Variants in VSTM2B observed in about 807,000 individuals in gnomAD.
VSTM2B encodes V-set and transmembrane domain-containing protein 2B.
In VSTM2B, 24 loss-of-function variants were observed where a neutral mutation model predicts 24.0. That is an observed-to-expected ratio of 1.00 (90% CI 0.72 to 1.40). The LOEUF (loss-of-function observed/expected upper bound fraction) is 1.40, where lower values mean the gene tolerates loss of function less well. VSTM2B is among the 40% of genes most tolerant of loss of function. VSTM2B has a pLI of 0.00. For missense variants in VSTM2B, 399 were observed against 416.4 expected, an observed-to-expected ratio of 0.96 and a Z score of 0.36; for synonymous variants, 226 against 194.4, an observed-to-expected ratio of 1.16 and a Z score of -1.35.
At chr19:29,530,899 G>A (rs577368185) in intron 4 of VSTM2B, among the ~76,000 whole-genome samples, 23 of 152,058 alleles carry the variant, frequency 1.5e-4, no homozygotes, top group Admixed American at 6.5e-4. Context: ...GCTTTGGGGT[G>A]GGGGCAGTAA....
upstream of VSTM2B, chr19:29,525,543 G>A (rs117919064): frequency 0.048 from 7,337 of 152,442 alleles, 194 homozygotes; most frequent in Middle Eastern, 0.12. Context: ...CCGCCACCCA[G>A]CGTAGTCTCC....
At chr19:29,562,928 T>C (rs1371735242) in intron 4 of VSTM2B, among the ~76,000 whole-genome samples, 3 of 152,158 alleles carry the variant, frequency 2.0e-5, no homozygotes, top group Admixed American at 6.5e-5. Flanking sequence ...CAGAAGTTGC[T>C]GGGGTCATTT....
intron 4 of VSTM2B, among the ~76,000 whole-genome samples, chr19:29,552,007 A>G (rs1970295255): frequency 6.6e-6 from 1 of 152,210 alleles, no homozygotes; most frequent in African/African-American, 2.4e-5. Flanking sequence ...CATTCTGGAA[A>G]GCAATGGACA....
chr19:29,533,472 G>A (rs1388400310), intron 4 of VSTM2B, among the ~76,000 whole-genome samples: 1 of 152,102 alleles, frequency 6.6e-6, no homozygotes, highest in Non-Finnish European at 1.5e-5. Context: ...GTCTCCTTTG[G>A]GGTGCCCAGA....
In VSTM2B at chr19:29,563,987, C is replaced by A; in HGVS notation, c.*53C>A. 4 of 1,452,462 alleles carry A rather than the reference C, an allele frequency of 2.8e-6. No individual in the cohort carries two copies. The highest frequency in any genetic ancestry group is 3.8e-6 in the Non-Finnish European group (4 of 1,056,808). 90.0% of individuals were successfully genotyped at this position (1,452,462 alleles called of 1,614,324 possible). A position where few individuals can be genotyped will look rare whatever the true frequency, so the allele number is the denominator to read the frequency against. On this transcript the variant is annotated 3_prime_UTR_variant, in exon 5 of 5. Coordinates refer to ENST00000335523, the MANE Select transcript of VSTM2B (RefSeq NM_001146339.2). ...AGGCCGCACATGACCTGCCCGGGGC[C>A]CTCGGTGAGGACCATGTCGCTGGAT...
chr19:29,531,396 G>T (rs889426994), intron 4 of VSTM2B, among the ~76,000 whole-genome samples: 4 of 152,216 alleles, frequency 2.6e-5, no homozygotes, highest in African/African-American at 9.7e-5. Flanking sequence ...CCCCTACAGT[G>T]GTAGTTCTCA....
intron 4 of VSTM2B, among the ~76,000 whole-genome samples, chr19:29,548,034 AG>A (rs1212765862): frequency 6.6e-6 from 1 of 152,064 alleles, no homozygotes; most frequent in African/African-American, 2.4e-5. Flanking sequence ...TTATGAAGGC[AG>A]GAGAATGCTG....
chr19:29,560,980 G>A (rs527998714), intron 4 of VSTM2B, among the ~76,000 whole-genome samples: 1 of 152,254 alleles, frequency 6.6e-6, no homozygotes, highest in African/African-American at 2.4e-5. Flanking sequence ...TGTCTCACCT[G>A]CACCTGCCTT....
At chr19:29,527,425 G>A in intron 2 of VSTM2B, 30 bp downstream of exon 2, 1 of 1,439,648 alleles carries the variant, frequency 6.9e-7, no homozygotes, top group Non-Finnish European at 9.0e-7. Flanking sequence ...GTACCGGCGC[G>A]CGCCCGGCTC....
At chr19:29,542,066 A>G (rs1785652779) in intron 4 of VSTM2B, among the ~76,000 whole-genome samples, 1 of 150,598 alleles carries the variant, frequency 6.6e-6, no homozygotes. Context: ...ATGGATGGGT[A>G]GAAGGATGAT....
chr19:29,552,781 T>A (rs1970316124), intron 4 of VSTM2B, among the ~76,000 whole-genome samples: 1 of 152,196 alleles, frequency 6.6e-6, no homozygotes, highest in Non-Finnish European at 1.5e-5. Context: ...CTGCCAGTAC[T>A]GGGGAGACTA....
At chr19:29,552,814 T>A (rs1435936550) in intron 4 of VSTM2B, among the ~76,000 whole-genome samples, 1 of 152,168 alleles carries the variant, frequency 6.6e-6, no homozygotes, top group South Asian at 2.1e-4. Context: ...CCAGGAGGAA[T>A]TCCCCACAGT....
At chr19:29,530,781 G>T (rs1239375966) in intron 4 of VSTM2B, among the ~76,000 whole-genome samples, 1 of 152,146 alleles carries the variant, frequency 6.6e-6, no homozygotes, top group Non-Finnish European at 1.5e-5. Flanking sequence ...TTTGTCCAAG[G>T]GTGTGGAGGG....
In VSTM2B at chr19:29,563,858, G is replaced by A. The variant is rs1449377557; in HGVS notation, c.782G>A (p.Ser261Asn). 3.9e-6 allele frequency: 6 copies of A among 1,552,148 alleles called. No individual in the cohort carries two copies. Among genetic ancestry groups the A allele is most frequent in the East Asian group, 2.4e-5 (1 of 40,920 alleles). The change falls in exon 5 of 5, where the codon AGC becomes AAC. Residue 261 changes from serine (S) to asparagine (N), a missense_variant. By Grantham distance (46) the Ser-to-Asn change is conservative. Transcript: ENST00000335523. ...TCATCCCCTGCAGGCACCGGCCGTA[G>A]CTACACCACAGACCCACTCTTGTCC... ...RQRHGSGTGR[S>N]YTTDPLLSLL... is the part of the protein sequence containing the mutation.
intron 4 of VSTM2B, among the ~76,000 whole-genome samples, chr19:29,547,923 C>T (rs183752621): frequency 2.6e-5 from 4 of 152,142 alleles, no homozygotes; most frequent in Non-Finnish European, 5.9e-5. Flanking sequence ...ACCCCAACTG[C>T]GGCACTCAGG....
At chr19:29,525,918 G>T (rs1041094547), upstream of VSTM2B, among the ~76,000 whole-genome samples, 1 of 150,458 alleles carries the variant, frequency 6.6e-6, no homozygotes, top group Non-Finnish European at 1.5e-5. Context: ...GAGGGCGGGG[G>T]CGATGCAGCG....
intron 4 of VSTM2B, among the ~76,000 whole-genome samples, chr19:29,537,703 A>ACCCACCTACTCTCCCG (rs1969922464): frequency 3.1e-5 from 2 of 65,228 alleles, no homozygotes; most frequent in African/African-American, 6.4e-5. Flanking sequence ...ACCCGCCCCC[A>ACCCACCTACTCTCCCG]CACCCACCTA....
At chr19:29,551,993 C>G (rs1380395466) in intron 4 of VSTM2B, among the ~76,000 whole-genome samples, 2 of 152,226 alleles carry the variant, frequency 1.3e-5, no homozygotes, top group Non-Finnish European at 2.9e-5. Flanking sequence ...GGCCTGGGAC[C>G]TGTCATTCTG....
At position 29,529,980 on chromosome 19, in the gene VSTM2B, G is replaced by T; in HGVS notation, c.459G>T (p.Ala153=). ...QAMLRVLSRF[A]PPNMQAAEAV... ...TGCTGCGCGTGCTCTCGCGCTTCGC[G>T]CCGCCCAACATGCAGGCCGCCGAGG... The change falls in exon 4 of 5, where the codon GCG becomes GCT. Residue 153 remains alanine, a synonymous_variant. Transcript: ENST00000335523. The T allele has an allele frequency of 6.5e-7, 1 of 1,545,402 alleles. No individual in the cohort carries two copies.
Sources: gnomAD v4.1 joint callset for allele counts (sites outside exome capture counted in the v4.1 genomes callset) on GRCh38, gnomAD v4.1.1 for gene constraint, MANE v1.5 for transcripts, NCBI Gene and HGNC (gene_info 2026-07-23, HGNC 2026-07-21) for gene names.